Variants in ST6GALNAC3 observed in about 807,000 individuals in gnomAD.
ST6GALNAC3 encodes alpha-N-acetylgalactosaminide alpha-2,6-sialyltransferase 3.
ST6GALNAC3 carries 25 observed loss-of-function variants against 32.7 expected under a neutral mutation model. That is an observed-to-expected ratio of 0.76 (90% CI 0.56 to 1.07). The LOEUF (loss-of-function observed/expected upper bound fraction) is 1.07, where lower values mean the gene tolerates loss of function less well. ST6GALNAC3 is among the 50% of genes least tolerant of loss of function. ST6GALNAC3 has a pLI of 0.00. For synonymous variants in ST6GALNAC3, 129 were observed against 133.1 expected (o/e 0.97, Z 0.21); for missense variants, 355 against 382.4 (o/e 0.93, Z 0.60).
At chr1:76,391,049 C>T (rs1192208962) in intron 2 of ST6GALNAC3, among the ~76,000 whole-genome samples, 1 of 151,222 alleles carries the variant, frequency 6.6e-6, no homozygotes, top group African/African-American at 2.4e-5. Flanking sequence ...ACGCCATTCT[C>T]CTGCCTCAGC....
intron 2 of ST6GALNAC3, among the ~76,000 whole-genome samples, chr1:76,399,845 T>A (rs1472909306): frequency 6.6e-6 from 1 of 152,174 alleles, no homozygotes; most frequent in African/African-American, 2.4e-5. Flanking sequence ...GAGGCAGTAA[T>A]GAATGGCATC....
At chr1:76,106,511 G>A (rs1291587157) in intron 1 of ST6GALNAC3, among the ~76,000 whole-genome samples, 1 of 152,170 alleles carries the variant, frequency 6.6e-6, no homozygotes, top group Non-Finnish European at 1.5e-5. Context: ...TGTGCCTTGT[G>A]CTTGGGATAA....
At chr1:76,590,542 A>T (rs919754705) in intron 3 of ST6GALNAC3, among the ~76,000 whole-genome samples, 1 of 152,214 alleles carries the variant, frequency 6.6e-6, no homozygotes, top group Non-Finnish European at 1.5e-5. Context: ...GCTAATACTG[A>T]CTTACTTCCA....
intron 2 of ST6GALNAC3, among the ~76,000 whole-genome samples, chr1:76,371,755 C>T (rs771125965): frequency 6.6e-6 from 1 of 152,150 alleles, no homozygotes; most frequent in Non-Finnish European, 1.5e-5. Context: ...TTTGCTAGAG[C>T]CTGGAAGGAT....
At chr1:76,243,304 G>T (rs1236377305) in intron 1 of ST6GALNAC3, among the ~76,000 whole-genome samples, 2 of 152,000 alleles carry the variant, frequency 1.3e-5, no homozygotes, top group Admixed American at 1.3e-4. Context: ...GGGGTTGTCT[G>T]TTTTTTTCTT....
intron 3 of ST6GALNAC3, among the ~76,000 whole-genome samples, chr1:76,418,996 A>G (rs1654843967): frequency 6.6e-6 from 1 of 152,030 alleles, no homozygotes; most frequent in African/African-American, 2.4e-5. Context: ...TTTGTAATTT[A>G]TAAAGATATC....
At chr1:76,127,157 T>C (rs1049598844) in intron 1 of ST6GALNAC3, among the ~76,000 whole-genome samples, 2 of 152,146 alleles carry the variant, frequency 1.3e-5, no homozygotes, top group Admixed American at 6.5e-5. Flanking sequence ...CCTCAAAACA[T>C]GGGTGGTTGT....
intron 1 of ST6GALNAC3, among the ~76,000 whole-genome samples, chr1:76,256,720 C>T (rs1356890700): frequency 6.6e-6 from 1 of 151,258 alleles, no homozygotes; most frequent in Middle Eastern, 3.2e-3. Context: ...AAGTTCTGAA[C>T]ACATAAAATG....
intron 1 of ST6GALNAC3, among the ~76,000 whole-genome samples, chr1:76,158,932 G>A (rs1189401146): frequency 6.6e-6 from 1 of 152,166 alleles, no homozygotes; most frequent in Non-Finnish European, 1.5e-5. Flanking sequence ...CACAAAGCTG[G>A]CAAGGGACTG....
chr1:76,285,886 A>G (rs1230809772), intron 1 of ST6GALNAC3, among the ~76,000 whole-genome samples: 1 of 152,170 alleles, frequency 6.6e-6, no homozygotes, highest in Non-Finnish European at 1.5e-5. Context: ...ACACAAAGAG[A>G]GAAACAGGCA....
intron 1 of ST6GALNAC3, among the ~76,000 whole-genome samples, chr1:76,154,411 A>G (rs1253933317): frequency 1.3e-5 from 2 of 152,200 alleles, no homozygotes; most frequent in African/African-American, 4.8e-5. Context: ...TTTGTGTCTC[A>G]GCTTCTACTT....
chr1:76,486,052 C>A lies in ST6GALNAC3; in HGVS notation c.623+73635C>A, dbSNP rs529561456. ...AGCAGTTTTGAGTGAGTTTCTTAAT[C>A]CTGAGTTCTGGTTTGATTGCACTGT... is the stretch of plus-strand genomic sequence containing the variant. On this transcript the variant is annotated intron_variant, in intron 3 of 4. Transcript: ENST00000328299. Among the ~76,000 whole-genome samples the A allele has an allele frequency of 1.9e-4, 29 of 152,266 alleles. No homozygotes were observed. The East Asian group carries it at 5.0e-3, about 26-fold the overall frequency.
At chr1:76,531,058 T>A (rs1174324123) in intron 3 of ST6GALNAC3, among the ~76,000 whole-genome samples, 1 of 152,080 alleles carries the variant, frequency 6.6e-6, no homozygotes, top group Admixed American at 6.5e-5. Context: ...AGAAAGTGAG[T>A]GATCTGCAGG....
At chr1:76,398,437 G>A (rs1039153919) in intron 2 of ST6GALNAC3, among the ~76,000 whole-genome samples, 1 of 152,024 alleles carries the variant, frequency 6.6e-6, no homozygotes, top group Non-Finnish European at 1.5e-5. Context: ...GGGGTTTTTG[G>A]TTTCAAAATG....
intron 2 of ST6GALNAC3, among the ~76,000 whole-genome samples, chr1:76,336,286 AAC>A (rs1236010658): frequency 3.3e-5 from 5 of 152,222 alleles, no homozygotes; most frequent in African/African-American, 1.2e-4. Context: ...TTTGGCCCAA[AAC>A]ATGTGTCTTA....
intron 1 of ST6GALNAC3, among the ~76,000 whole-genome samples, chr1:76,121,789 C>T (rs1324242993): frequency 6.6e-6 from 1 of 152,194 alleles, no homozygotes. Flanking sequence ...TTATATCATA[C>T]TCAGAAAAAA....
In ST6GALNAC3 at chr1:76,631,116, C is replaced by G. The variant is rs1649277705; in HGVS notation, c.*2310C>G. 1 of 778,256 alleles carries G rather than the reference C, an allele frequency of 1.3e-6. No individual in the cohort carries two copies. The highest frequency in any genetic ancestry group is 1.6e-6 in the Non-Finnish European group (1 of 641,294). The allele number at this position is 778,256 out of a possible 1,614,324, so 48.2% of individuals were successfully genotyped here. A position where few individuals can be genotyped will look rare whatever the true frequency, so the allele number is the denominator to read the frequency against. On this transcript the variant is annotated 3_prime_UTR_variant, in exon 5 of 5. Transcript: ENST00000328299. ...CTTCTGCAGTATATTGTATCCCTCA[C>G]TCTATAGCAGAAGGTGTGTGTGGAA...
intron 1 of ST6GALNAC3, among the ~76,000 whole-genome samples, chr1:76,245,224 G>A (rs540594696): frequency 2.0e-5 from 3 of 152,300 alleles, no homozygotes; most frequent in African/African-American, 7.2e-5. Flanking sequence ...TTGTATAGAG[G>A]TGTTTATAAT....
chr1:76,543,900 TC>T (rs1451068215), intron 3 of ST6GALNAC3, among the ~76,000 whole-genome samples: 7 of 152,168 alleles, frequency 4.6e-5, no homozygotes, highest in African/African-American at 1.7e-4. Flanking sequence ...TAAGTAAAGA[TC>T]ATTAATTTTT....
Sources: gnomAD v4.1 joint callset for allele counts (sites outside exome capture counted in the v4.1 genomes callset) on GRCh38, gnomAD v4.1.1 for gene constraint, MANE v1.5 for transcripts, NCBI Gene and HGNC (gene_info 2026-07-23, HGNC 2026-07-21) for gene names.